The following CRADD variants were observed in gnomAD, a reference collection of about 807,000 sequenced individuals.
The protein encoded by CRADD is CARD and death domain containing adaptor protein.
In CRADD, 9 loss-of-function variants were observed where a neutral mutation model predicts 15.5. The ratio of observed to expected loss-of-function variants is 0.58; its 90% CI spans 0.35 to 1.01. CRADD has a LOEUF of 1.01. CRADD is among the 50% of genes least tolerant of loss of function. CRADD has a pLI of 0.02. For missense variants in CRADD, 227 were observed against 250.3 expected (o/e 0.91, Z 0.63); for synonymous variants, 118 against 107.6 (o/e 1.10, Z -0.60).
intron 2 of CRADD, among the ~76,000 whole-genome samples, chr12:93,820,152 A>G (rs979907783): frequency 1.3e-5 from 2 of 152,032 alleles, no homozygotes; most frequent in Non-Finnish European, 2.9e-5. Context: ...TACCTCCTCA[A>G]TATCTTTGGA....
chr12:93,744,550 A>G (rs1411088181), intron 2 of CRADD, among the ~76,000 whole-genome samples: 2 of 152,190 alleles, frequency 1.3e-5, no homozygotes. Flanking sequence ...AGCAGTACCT[A>G]GTTAAGTGCA....
In CRADD at chr12:93,850,500, G is replaced by T; in HGVS notation, c.*229G>T. ...CTTTGTTTTTAATTGCTTGAAGATT[G>T]CATTGTTGTAATTGTTCAGTTTTTA... On this transcript the variant is annotated 3_prime_UTR_variant, in exon 3 of 3. Coordinates refer to ENST00000332896, the MANE Select transcript of CRADD (RefSeq NM_003805.5). This position sits in a 1 kb window ranked among gnomAD's most constrained non-coding sequence, Gnocchi z 4.0. The T allele has an allele frequency of 7.8e-7, 1 of 1,279,846 alleles. No individual in the cohort carries two copies. The highest frequency in any genetic ancestry group is 3.0e-4 in the Middle Eastern group (1 of 3,388). 79.3% of individuals were successfully genotyped at this position (1,279,846 alleles called of 1,614,324 possible).
downstream of CRADD, among the ~76,000 whole-genome samples, chr12:93,853,005 C>T (rs766869475): frequency 2.0e-5 from 3 of 152,110 alleles, no homozygotes; most frequent in Non-Finnish European, 4.4e-5. Flanking sequence ...TACCCCTACT[C>T]CCATCTAAGC....
intron 2 of CRADD, among the ~76,000 whole-genome samples, chr12:93,801,088 CT>C (rs1202967595): frequency 6.6e-6 from 1 of 152,190 alleles, no homozygotes; most frequent in Non-Finnish European, 1.5e-5. Context: ...GTGCTGTAGA[CT>C]TTCAACCATA....
chr12:93,745,269 A>G (rs1253061878), intron 2 of CRADD, among the ~76,000 whole-genome samples: 1 of 152,228 alleles, frequency 6.6e-6, no homozygotes, highest in Non-Finnish European at 1.5e-5. Flanking sequence ...TAACTGGACA[A>G]CTATTCAGAA....
intron 2 of CRADD, among the ~76,000 whole-genome samples, chr12:93,889,515 T>A (rs747772176): frequency 2.0e-5 from 3 of 152,162 alleles, no homozygotes; most frequent in Non-Finnish European, 4.4e-5. Flanking sequence ...GCCTCTGCCA[T>A]CCTCACCCCC....
chr12:93,755,529 A>G (rs1448083643), intron 2 of CRADD, among the ~76,000 whole-genome samples: 2 of 152,222 alleles, frequency 1.3e-5, no homozygotes, highest in Non-Finnish European at 2.9e-5. Flanking sequence ...CACAAAACCT[A>G]GGGCTCCCAA....
At chr12:93,807,480 A>C (rs1258190162) in intron 2 of CRADD, among the ~76,000 whole-genome samples, 1 of 152,134 alleles carries the variant, frequency 6.6e-6, no homozygotes, top group Non-Finnish European at 1.5e-5. Flanking sequence ...AGAACGAGGC[A>C]GCCAGCCCTC....
exon 3 of CRADD, chr12:93,894,250 A>T: frequency 1.7e-6 from 1 of 604,560 alleles, no homozygotes; most frequent in African/African-American, 1.9e-5. Context: ...TGGTTGTCAC[A>T]ATTCTGTGTA....
intron 2 of CRADD, among the ~76,000 whole-genome samples, chr12:93,787,995 A>G (rs929032393): frequency 6.6e-6 from 1 of 152,188 alleles, no homozygotes; most frequent in Admixed American, 6.5e-5. Flanking sequence ...GATTATTTGG[A>G]GGTTGTGAAG....
intron 2 of CRADD, among the ~76,000 whole-genome samples, chr12:93,796,147 G>A (rs17837168): frequency 0.3 from 45,767 of 151,796 alleles, 7,214 homozygotes; most frequent in East Asian, 0.54. Context: ...GGACTTTTGA[G>A]CTTTTTCTTC....
chr12:93,757,107 A>G (rs1470956652), intron 2 of CRADD, among the ~76,000 whole-genome samples: 2 of 152,238 alleles, frequency 1.3e-5, no homozygotes, highest in African/African-American at 2.4e-5. Flanking sequence ...AAAATTTACT[A>G]AAACATACGT....
At chr12:93,892,282 C>T (rs890795635) in intron 2 of CRADD, among the ~76,000 whole-genome samples, 3 of 152,180 alleles carry the variant, frequency 2.0e-5, no homozygotes, top group Non-Finnish European at 2.9e-5. Flanking sequence ...ATATTTTGTT[C>T]ATCCTGGATT....
At chr12:93,809,617 C>T (rs1292953809) in intron 2 of CRADD, among the ~76,000 whole-genome samples, 1 of 152,162 alleles carries the variant, frequency 6.6e-6, no homozygotes, top group African/African-American at 2.4e-5. Context: ...GGTTGTGCTT[C>T]CTAGACCCCA....
chr12:93,718,764 C>CTT (rs930413047), intron 2 of CRADD, among the ~76,000 whole-genome samples: 3 of 144,254 alleles, frequency 2.1e-5, no homozygotes, highest in Admixed American at 1.4e-4. Flanking sequence ...AATTTTCTCT[C>CTT]TTTTTTTTTT....
At chr12:93,778,195 T>C (rs965691656) in intron 2 of CRADD, among the ~76,000 whole-genome samples, 1 of 152,232 alleles carries the variant, frequency 6.6e-6, no homozygotes, top group Non-Finnish European at 1.5e-5. Flanking sequence ...ACCATGGTTA[T>C]TAAACAACTA....
At chr12:93,787,310 T>G (rs1013074197) in intron 2 of CRADD, among the ~76,000 whole-genome samples, 27 of 148,612 alleles carry the variant, frequency 1.8e-4, no homozygotes, top group Admixed American at 1.2e-3. Context: ...ACAGGGTTTT[T>G]TTTTTTTTTT....
At chr12:93,747,358 C>T (rs1490106954) in intron 2 of CRADD, among the ~76,000 whole-genome samples, 3 of 152,032 alleles carry the variant, frequency 2.0e-5, no homozygotes, top group Non-Finnish European at 4.4e-5. Flanking sequence ...TGGGGAGGGG[C>T]ATGAGACAGG....
chr12:93,811,767 C>G (rs1207274018), intron 2 of CRADD, among the ~76,000 whole-genome samples: 1 of 152,156 alleles, frequency 6.6e-6, no homozygotes, highest in African/African-American at 2.4e-5. Context: ...CCATATGATC[C>G]AGCAATCCAT....
Sources: allele counts gnomAD v4.1 joint callset (sites outside exome capture counted in the v4.1 genomes callset), GRCh38; gene constraint gnomAD v4.1.1; non-coding constraint Gnocchi (gnomAD v3.1); transcripts MANE v1.5; gene names NCBI Gene and HGNC (gene_info 2026-07-23, HGNC 2026-07-21).